The following DGKD variants were observed in gnomAD, a reference collection of about 807,000 sequenced individuals.
The protein encoded by DGKD is diacylglycerol kinase delta, also known as DAG kinase delta.
In DGKD, 68 loss-of-function variants were observed where a neutral mutation model predicts 154.4. The observed-to-expected ratio is 0.44, with a 90% CI of 0.36 to 0.54. The LOEUF (loss-of-function observed/expected upper bound fraction) is 0.54, where lower values mean the gene tolerates loss of function less well. DGKD is among the 20% of genes least tolerant of loss of function. The pLI is 0.00. For synonymous variants in DGKD, 693 were observed against 638.0 expected (o/e 1.09, Z -1.30); for missense variants, 1,343 against 1,593.6 (o/e 0.84, Z 2.68).
intron 3 of DGKD, chr2:233,429,074 A>G: frequency 3.1e-6 from 3 of 976,804 alleles, no homozygotes; most frequent in Non-Finnish European, 3.6e-6. Flanking sequence ...AGTGCCCAAT[A>G]CCCACAAAGC....
At chr2:233,456,487 C>T (rs1359274155) in intron 19 of DGKD, among the ~76,000 whole-genome samples, 2 of 152,188 alleles carry the variant, frequency 1.3e-5, no homozygotes, top group Non-Finnish European at 2.9e-5. Context: ...AGGGTGCCTA[C>T]AGGTGCTGGA....
At chr2:233,465,368 G>A (rs1347672134) in intron 27 of DGKD, among the ~76,000 whole-genome samples, 2 of 152,194 alleles carry the variant, frequency 1.3e-5, no homozygotes, top group East Asian at 3.8e-4. Context: ...TGGACGGGGG[G>A]AGGAAAGCAT....
intron 29 of DGKD, among the ~76,000 whole-genome samples, chr2:233,468,813 G>C (rs765668135): frequency 3.3e-4 from 51 of 152,332 alleles, no homozygotes; most frequent in Non-Finnish European, 6.2e-4. Flanking sequence ...GACTGTCTTC[G>C]TGTTAAAAAC....
In DGKD at chr2:233,459,967, T is replaced by C; in HGVS notation, c.2829+76T>C. On this transcript the variant is annotated intron_variant, in intron 23 of 29. Transcript: ENST00000264057. This position sits in a 1 kb window ranked among gnomAD's most constrained non-coding sequence, Gnocchi z 5.7. ...GGCTCTTGTGTGCACTGTTAAGAGC[T>C]GGAGCTTTTTGTGTTTTGTTCTAGG... 6.6e-7 allele frequency: 1 copy of C among 1,515,126 alleles called. No individual in the cohort carries two copies. Among genetic ancestry groups the C allele is most frequent in the Non-Finnish European group, 8.8e-7 (1 of 1,135,788 alleles). 93.9% of individuals were successfully genotyped at this position (1,515,126 alleles called of 1,614,324 possible).
Position 233,388,311 on chromosome 2 carries a change from A to G in DGKD, c.211A>G (p.Lys71Glu). 6.2e-7 allele frequency: 1 copy of G among 1,614,192 alleles called. No homozygotes were observed. The highest frequency in any genetic ancestry group is 8.5e-7 in the Non-Finnish European group (1 of 1,180,038). ...ACAGAACAATTCATTCCAGCGATCA[A>G]AAAGGAGATACTTTAAGCTTCGAGG... ...TKQNNSFQRS[K>E]RRYFKLRGRT... is the part of the protein sequence containing the mutation. The change falls in exon 2 of 30, where the codon AAA (lysine) becomes GAA (glutamate). Residue 71 changes from lysine to glutamate, a missense_variant. Transcript: ENST00000264057.
At chr2:233,355,263 C>T (rs1701485021) in intron 1 of DGKD, among the ~76,000 whole-genome samples, 1 of 152,224 alleles carries the variant, frequency 6.6e-6, no homozygotes, top group African/African-American at 2.4e-5. Flanking sequence ...AAAGCCGGGA[C>T]CGCGCACCCG....
Position 233,435,907 on chromosome 2 carries a change from A to T in DGKD, c.676A>T (p.Ile226Phe), listed in dbSNP as rs2062675808. Residue 226 changes from isoleucine (I) to phenylalanine (F), a missense_variant, in exon 6 of 30, where the codon ATT becomes TTT. By Grantham distance (21) the Ile-to-Phe change is conservative. Coordinates refer to ENST00000264057, the MANE Select transcript of DGKD (RefSeq NM_152879.3). ...ACTGGCCTCGATCGGGAAGGACATCATTGAAGATGCAGATGGGGTATGTTA... is the reference window on the plus strand; with the variant it reads ...ACTGGCCTCGATCGGGAAGGACATCTTTGAAGATGCAGATGGGGTATGTTA... ...TTLASIGKDIIEDADGIAMPH... is the reference protein window; with the variant it reads ...TTLASIGKDIFEDADGIAMPH... 6.2e-7 allele frequency: 1 copy of T among 1,610,078 alleles called. No homozygotes were observed. Among genetic ancestry groups the T allele is most frequent in the Non-Finnish European group, 8.5e-7 (1 of 1,178,210 alleles).
rs66652929 is a variant in DGKD, at chr2:233,367,851, C to CTTT, written c.156+13194_156+13196dup. Among the ~76,000 whole-genome samples, 306 of 124,038 alleles carry CTTT rather than the reference C, an allele frequency of 2.5e-3. 7 individuals are homozygous for CTTT. In the East Asian group the frequency reaches 0.049, roughly 20 times the overall value. The allele number at this position is 124,038 out of a possible 152,430, so 81.4% of individuals were successfully genotyped here. On this transcript the variant is annotated intron_variant, in intron 1 of 29. Coordinates refer to ENST00000264057, the MANE Select transcript of DGKD (RefSeq NM_152879.3). ...GGTCTTTTCTTCCTCTTTTTTTTTTCTTTTTTTTTTTTTTTTTTTAATAGA... is the reference window on the plus strand; with the variant it reads ...GGTCTTTTCTTCCTCTTTTTTTTTTCTTTTTTTTTTTTTTTTTTTTTTAATAGA...
At position 233,393,719 on chromosome 2, in the gene DGKD, C is replaced by T. The variant is rs576979755; in HGVS notation, c.348+3236C>T. ...TTTTTTTTTAGATGGAGTCTTGCTC[C>T]GTTGCCCAGGGGGGAGTGTAGTGGT... On this transcript the variant is annotated intron_variant, in intron 3 of 29. Transcript: ENST00000264057. 4.8e-4 allele frequency among the ~76,000 whole-genome samples: 69 copies of T among 144,524 alleles called. No individual in the cohort carries two copies. The South Asian group carries it at 6.4e-3, about 13-fold the overall frequency. 94.8% of individuals were successfully genotyped at this position (144,524 alleles called of 152,430 possible).
In DGKD at chr2:233,467,472, G is replaced by C. The variant is rs184456265; in HGVS notation, c.3424+269G>C. On this transcript the variant is annotated intron_variant, in intron 28 of 29. Coordinates refer to ENST00000264057, the MANE Select transcript of DGKD (RefSeq NM_152879.3). ...TTGGGGGATTCGAGGTGGGGAGGAA[G>C]ACAGCAGTAGAGTGGTGACAAGACA... Among the ~76,000 whole-genome samples the C allele has an allele frequency of 2.7e-3, 416 of 152,280 alleles. 1 individual carries two copies. The highest frequency in any genetic ancestry group is 3.2e-3 in the Non-Finnish European group (217 of 68,026).
At chr2:233,469,269 T>C in intron 29 of DGKD, 102 bp from the exon 30 acceptor site, 1 of 1,009,356 alleles carries the variant, frequency 9.9e-7, no homozygotes, top group Non-Finnish European at 1.5e-6. Flanking sequence ...CTCATTTGTG[T>C]TCACAAGCCG....
chr2:233,437,570 C>T, intron 8 of DGKD, 91 bp downstream of exon 8: 1 of 1,297,954 alleles, frequency 7.7e-7, no homozygotes, highest in South Asian at 1.3e-5. Context: ...AGTTGGTTAT[C>T]TTGGTGAGAT....
intron 3 of DGKD, among the ~76,000 whole-genome samples, chr2:233,424,640 G>A (rs192541542): frequency 1.3e-5 from 2 of 152,322 alleles, no homozygotes; most frequent in East Asian, 3.9e-4. Context: ...CAGATGAGGA[G>A]AGGCTGCGGG....
Position 233,445,825 on chromosome 2 carries a change from G to C in DGKD, c.1334+63G>C. On this transcript the variant is annotated intron_variant, in intron 11 of 29. Coordinates refer to ENST00000264057, the MANE Select transcript of DGKD (RefSeq NM_152879.3). The surrounding 1 kb of genome is among the most constrained non-coding windows in gnomAD (Gnocchi z 5.5). ...TTTGAGAGACAGGTCCCTTTGACCA[G>C]GTGTTCTTAACCTGGGGTCTGTGGA... 4.6e-6 allele frequency: 7 copies of C among 1,508,412 alleles called. No homozygotes were observed. The highest frequency in any genetic ancestry group is 6.2e-6 in the Non-Finnish European group (7 of 1,125,286). 93.4% of individuals were successfully genotyped at this position (1,508,412 alleles called of 1,614,324 possible). A position where few individuals can be genotyped will look rare whatever the true frequency, so the allele number is the denominator to read the frequency against.
chr2:233,421,612 G>A (rs1353536331), intron 3 of DGKD, among the ~76,000 whole-genome samples: 1 of 152,112 alleles, frequency 6.6e-6, no homozygotes, highest in African/African-American at 2.4e-5. Flanking sequence ...CCACGCGCCT[G>A]CTTCTGCTCA....
rs1196968352 is a variant in DGKD at position 233,440,290 on chromosome 2, T to C, written c.1086-1597T>C. 1.3e-5 allele frequency among the ~76,000 whole-genome samples: 2 copies of C among 152,152 alleles called. No individual in the cohort carries two copies. Among genetic ancestry groups the C allele is most frequent in the Non-Finnish European group, 2.9e-5 (2 of 68,026 alleles). ...CCGAGAGCAGGGGGCCTTACAGGTG[T>C]CAGTGTTCTGTGTGGAGCCTGGGCT... is the stretch of plus-strand genomic sequence containing the variant. On this transcript the variant is annotated intron_variant, in intron 9 of 29. Transcript: ENST00000264057. This position sits in a 1 kb window ranked among gnomAD's most constrained non-coding sequence, Gnocchi z 4.9.
chr2:233,421,055 A>G (rs1183750247), intron 3 of DGKD, among the ~76,000 whole-genome samples: 12 of 152,250 alleles, frequency 7.9e-5, no homozygotes, highest in East Asian at 1.9e-4. Context: ...TCTCATTTCT[A>G]TAGTGTCTTT....
chr2:233,406,888 C>T (rs1417633149), intron 3 of DGKD, among the ~76,000 whole-genome samples: 2 of 152,096 alleles, frequency 1.3e-5, no homozygotes, highest in African/African-American at 4.8e-5. Flanking sequence ...TCAGAATAAC[C>T]ATGTTATGCA....
chr2:233,360,895 T>G (rs757794221), intron 1 of DGKD, among the ~76,000 whole-genome samples: 5 of 151,664 alleles, frequency 3.3e-5, no homozygotes, highest in Non-Finnish European at 7.4e-5. Flanking sequence ...AGATAACAGA[T>G]GGAATCTCCC....
Sources: allele counts gnomAD v4.1 joint callset (sites outside exome capture counted in the v4.1 genomes callset), GRCh38; gene constraint gnomAD v4.1.1; non-coding constraint Gnocchi (gnomAD v3.1); transcripts MANE v1.5; gene names NCBI Gene and HGNC (gene_info 2026-07-23, HGNC 2026-07-21).